Variants in KLRG1 observed in about 807,000 individuals in gnomAD.
KLRG1 encodes the protein killer cell lectin-like receptor subfamily G member 1.
In KLRG1, 16 loss-of-function variants were observed where a neutral mutation model predicts 21.8. That is an observed-to-expected ratio of 0.73 (90% CI 0.50 to 1.11). The LOEUF is 1.11. KLRG1 is among the 50% of genes most tolerant of loss of function. KLRG1 has a pLI of 0.00. For synonymous variants in KLRG1, 69 were observed against 75.9 expected (o/e 0.91, Z 0.47); for missense variants, 173 against 218.3 (o/e 0.79, Z 1.31).
the KLRG1 span, among the ~76,000 whole-genome samples, chr12:9,098,180 G>A: frequency 6.6e-6 from 1 of 152,054 alleles, no homozygotes; most frequent in Non-Finnish European, 1.5e-5. Flanking sequence ...TTGCATAACT[G>A]CACTTCTCAT....
At chr12:9,059,300 A>ATT in the KLRG1 span, among the ~76,000 whole-genome samples, 2 of 152,194 alleles carry the variant, frequency 1.3e-5, no homozygotes, top group Non-Finnish European at 2.9e-5. Flanking sequence ...GTCATTTGAC[A>ATT]GTTTTGGTTA....
At chr12:9,169,357 T>G in the KLRG1 span, 2 of 1,353,010 alleles carry the variant, frequency 1.5e-6, no homozygotes, top group Non-Finnish European at 2.0e-6. Context: ...ACTAAGATTA[T>G]GAATAGATAC....
rs752498984 is a variant in KLRG1 at position 8,968,834 on chromosome 12, AAC to A, written c.-156+18600_-156+18601del. On this transcript the variant is annotated intron_variant, in intron 1 of 4. Transcript: ENST00000539240. ...GAAAATCCCCAAATATTTGAAAATT[AAC>A]AGTTTTTCTATAACCCATGGGTCAA... 2.1e-3 allele frequency among the ~76,000 whole-genome samples: 326 copies of A among 152,328 alleles called. 1 individual carries two copies. The highest frequency in any genetic ancestry group is 7.3e-3 in the African/African-American group (305 of 41,580).
chr12:8,964,633 G>A (rs1356872696), intron 1 of KLRG1, among the ~76,000 whole-genome samples: 1 of 150,614 alleles, frequency 6.6e-6, no homozygotes, highest in African/African-American at 2.4e-5. Flanking sequence ...GTTGACAGTG[G>A]GGTGTTAAAG....
At chr12:9,197,564 T>C in the KLRG1 span, among the ~76,000 whole-genome samples, 2 of 110,744 alleles carry the variant, frequency 1.8e-5, no homozygotes, top group African/African-American at 3.6e-5. Flanking sequence ...ATATATAATG[T>C]AATATATAAT....
At chr12:8,997,535 T>G (rs1947169986) in intron 3 of KLRG1, among the ~76,000 whole-genome samples, 1 of 152,236 alleles carries the variant, frequency 6.6e-6, no homozygotes, top group African/African-American at 2.4e-5. Context: ...TATGGATCTA[T>G]TAAAACTGAA....
At chr12:9,089,344 A>T in the KLRG1 span, 2 of 943,634 alleles carry the variant, frequency 2.1e-6, no homozygotes, top group Non-Finnish European at 3.3e-6. Flanking sequence ...GATAGTGAAG[A>T]GAAGGATTTG....
At chr12:9,042,032 G>A in the KLRG1 span, among the ~76,000 whole-genome samples, 1 of 152,178 alleles carries the variant, frequency 6.6e-6, no homozygotes, top group African/African-American at 2.4e-5. Context: ...AAGGCTGGAA[G>A]GACAAGGAAC....
At chr12:9,162,431 C>A in the KLRG1 span, 1 of 598,730 alleles carries the variant, frequency 1.7e-6, no homozygotes. Flanking sequence ...CTCTCTTGGG[C>A]TCAATGTCTT....
At chr12:9,050,706 G>T in the KLRG1 span, among the ~76,000 whole-genome samples, 1 of 152,160 alleles carries the variant, frequency 6.6e-6, no homozygotes, top group African/African-American at 2.4e-5. Context: ...TGGGCCTCGC[G>T]CTCCACGGAG....
the KLRG1 span, among the ~76,000 whole-genome samples, chr12:9,140,709 C>G: frequency 6.6e-6 from 1 of 152,162 alleles, no homozygotes; most frequent in East Asian, 1.9e-4. Context: ...GTGAATTCCT[C>G]TCCTCCTGAG....
the KLRG1 span, chr12:9,204,033 T>C: frequency 2.3e-6 from 3 of 1,308,644 alleles, no homozygotes; most frequent in Non-Finnish European, 3.2e-6. Context: ...CATAACAATA[T>C]GTATTAATTG....
the KLRG1 span, among the ~76,000 whole-genome samples, chr12:9,184,006 T>G: frequency 6.6e-6 from 1 of 152,180 alleles, no homozygotes; most frequent in Non-Finnish European, 1.5e-5. Context: ...CTTTTATCAC[T>G]GTCTTGAGTT....
the KLRG1 span, chr12:9,150,622 G>T: frequency 6.7e-7 from 1 of 1,494,020 alleles, no homozygotes; most frequent in Non-Finnish European, 9.3e-7. Context: ...GGTTAAGATT[G>T]TTTCATTTTT....
the KLRG1 span, chr12:9,202,747 A>C: frequency 7.6e-5 from 112 of 1,470,068 alleles, no homozygotes; most frequent in Non-Finnish European, 3.1e-5. Flanking sequence ...TGCATTCTTC[A>C]GTCATTGCTA....
At chr12:9,161,368 A>G in the KLRG1 span, among the ~76,000 whole-genome samples, 1 of 152,236 alleles carries the variant, frequency 6.6e-6, no homozygotes, top group African/African-American at 2.4e-5. Flanking sequence ...TATTAGAGTT[A>G]GCAGTAATAT....
the KLRG1 span, among the ~76,000 whole-genome samples, chr12:9,153,827 C>A: frequency 6.6e-6 from 1 of 152,112 alleles, no homozygotes. Context: ...GAGATCCTAA[C>A]TGTTGAAAGA....
chr12:9,161,135 C>T, the KLRG1 span: 1 of 1,518,342 alleles, frequency 6.6e-7, no homozygotes, highest in Non-Finnish European at 9.0e-7. Context: ...ACAGACAGCC[C>T]ATGTTAAAGG....
the KLRG1 span, chr12:9,202,826 A>G: frequency 2.5e-6 from 2 of 791,514 alleles, no homozygotes; most frequent in East Asian, 2.7e-5. Context: ...CATAAGAGTG[A>G]CGATATTAAT....
Sources: allele counts gnomAD v4.1 joint callset (sites outside exome capture counted in the v4.1 genomes callset), GRCh38; gene constraint gnomAD v4.1.1; transcripts MANE v1.5; gene names NCBI Gene and HGNC (gene_info 2026-07-23, HGNC 2026-07-21).